Variants in GNA14 observed in about 807,000 individuals in gnomAD.
The protein encoded by GNA14 is G protein subunit alpha 14.
In GNA14, 50 loss-of-function variants were observed where a neutral mutation model predicts 42.0. The ratio of observed to expected loss-of-function variants is 1.19; its 90% CI spans 0.95 to 1.51. The LOEUF (loss-of-function observed/expected upper bound fraction) is 1.51, where lower values mean the gene tolerates loss of function less well. Ranked by LOEUF, GNA14 falls within the 40% of genes most tolerant of loss-of-function variation. GNA14 has a pLI of 0.00. For synonymous variants in GNA14, 173 were observed against 163.1 expected (o/e 1.06, Z -0.46); for missense variants, 473 against 446.2 (o/e 1.06, Z -0.54).
chr9:77,597,566 T>C (rs1474698403), intron 1 of GNA14, among the ~76,000 whole-genome samples: 2 of 151,910 alleles, frequency 1.3e-5, no homozygotes, highest in Non-Finnish European at 1.5e-5. Flanking sequence ...AATATCGGTC[T>C]TGCCTATGGT....
intron 1 of GNA14, among the ~76,000 whole-genome samples, chr9:77,577,773 T>G (rs1236542808): frequency 6.6e-6 from 1 of 152,144 alleles, no homozygotes; most frequent in African/African-American, 2.4e-5. Flanking sequence ...ACTTTGGAAT[T>G]GCTCTTCCCA....
At chr9:77,630,049 A>G (rs1257776314) in intron 1 of GNA14, among the ~76,000 whole-genome samples, 1 of 152,020 alleles carries the variant, frequency 6.6e-6, no homozygotes, top group African/African-American at 2.4e-5. Flanking sequence ...ATTTGATTAC[A>G]TTTAGAAACA....
chr9:77,644,897 A>T (rs1824330313), intron 1 of GNA14, among the ~76,000 whole-genome samples: 1 of 152,214 alleles, frequency 6.6e-6, no homozygotes, highest in Non-Finnish European at 1.5e-5. Flanking sequence ...CAATGTTCTT[A>T]TCAGAACTTT....
At chr9:77,448,302 A>T (rs1382837229) in intron 2 of GNA14, among the ~76,000 whole-genome samples, 1 of 152,212 alleles carries the variant, frequency 6.6e-6, no homozygotes, top group Non-Finnish European at 1.5e-5. Context: ...CTGACTTACG[A>T]TGGTGTGAAA....
chr9:77,624,126 C>G (rs1189837527), intron 1 of GNA14, among the ~76,000 whole-genome samples: 2 of 152,118 alleles, frequency 1.3e-5, no homozygotes, highest in Admixed American at 6.5e-5. Context: ...AGAGGGTTTC[C>G]CCCTCACAGT....
chr9:77,462,984 G>A (rs1564021865), intron 2 of GNA14, among the ~76,000 whole-genome samples: 1 of 152,112 alleles, frequency 6.6e-6, no homozygotes, highest in Non-Finnish European at 1.5e-5. Flanking sequence ...TCTCTTCTAA[G>A]ATGTCTCCAA....
At chr9:77,522,513 G>A (rs1837374615) in intron 2 of GNA14, among the ~76,000 whole-genome samples, 1 of 152,174 alleles carries the variant, frequency 6.6e-6, no homozygotes, top group Non-Finnish European at 1.5e-5. Context: ...AGATTAATTA[G>A]GTCACTCCAT....
chr9:77,475,791 C>T (rs1836409510), intron 2 of GNA14, among the ~76,000 whole-genome samples: 2 of 152,170 alleles, frequency 1.3e-5, no homozygotes, highest in African/African-American at 4.8e-5. Context: ...GCATATGCTG[C>T]CCTTGTTCAA....
chr9:77,474,333 T>C (rs2131723232), intron 2 of GNA14, among the ~76,000 whole-genome samples: 1 of 152,124 alleles, frequency 6.6e-6, no homozygotes, highest in African/African-American at 2.4e-5. Flanking sequence ...AATTTTAAAA[T>C]GAAAAAAATT....
intron 3 of GNA14, among the ~76,000 whole-genome samples, chr9:77,433,462 T>C (rs1157698): frequency 0.76 from 115,367 of 151,724 alleles, 45,049 homozygotes; most frequent in African/African-American, 0.94. Context: ...TCATGGCTCA[T>C]TGCAACCTCA....
At chr9:77,629,831 A>G (rs1455624074) in intron 1 of GNA14, among the ~76,000 whole-genome samples, 1 of 152,218 alleles carries the variant, frequency 6.6e-6, no homozygotes, top group African/African-American at 2.4e-5. Flanking sequence ...ATACCTATGT[A>G]ACAAACCTGC....
At chr9:77,441,438 A>G (rs1835733364) in intron 2 of GNA14, among the ~76,000 whole-genome samples, 1 of 152,216 alleles carries the variant, frequency 6.6e-6, no homozygotes, top group Non-Finnish European at 1.5e-5. Context: ...CTGTGAGTCA[A>G]TTAAACCTCT....
chr9:77,598,113 C>T (rs1207285571), intron 1 of GNA14, among the ~76,000 whole-genome samples: 3 of 152,096 alleles, frequency 2.0e-5, no homozygotes, highest in Non-Finnish European at 4.4e-5. Context: ...TATACTAAAA[C>T]CTTGCTGGTA....
chr9:77,562,698 C>A (rs1822901954), intron 1 of GNA14, among the ~76,000 whole-genome samples: 1 of 152,122 alleles, frequency 6.6e-6, no homozygotes, highest in Non-Finnish European at 1.5e-5. Flanking sequence ...CTTGATTTAG[C>A]CTGTATTTTC....
At chr9:77,587,507 G>A (rs1258733557) in intron 1 of GNA14, among the ~76,000 whole-genome samples, 1 of 152,180 alleles carries the variant, frequency 6.6e-6, no homozygotes, top group African/African-American at 2.4e-5. Context: ...TACAACATGG[G>A]TGAACTTTAA....
At chr9:77,501,186 C>A (rs1295094549) in intron 2 of GNA14, among the ~76,000 whole-genome samples, 1 of 152,132 alleles carries the variant, frequency 6.6e-6, no homozygotes, top group Non-Finnish European at 1.5e-5. Flanking sequence ...AACTCCTGAT[C>A]TCAAGTGATC....
intron 2 of GNA14, among the ~76,000 whole-genome samples, chr9:77,468,966 T>G (rs1178755276): frequency 6.6e-6 from 1 of 152,170 alleles, no homozygotes; most frequent in African/African-American, 2.4e-5. Flanking sequence ...TGCAGCACAT[T>G]TTTGTGAATT....
chr9:77,476,938 G>A (rs531610898), intron 2 of GNA14, among the ~76,000 whole-genome samples: 44 of 152,326 alleles, frequency 2.9e-4, no homozygotes, highest in Non-Finnish European at 5.6e-4. Context: ...GGGAAAGACT[G>A]CATGAGTAAC....
At chr9:77,540,935 G>T (rs1837652385) in intron 1 of GNA14, among the ~76,000 whole-genome samples, 1 of 152,104 alleles carries the variant, frequency 6.6e-6, no homozygotes, top group Admixed American at 6.5e-5. Flanking sequence ...TTAAGTGGAT[G>T]ATTTAATCCG....
Sources: gnomAD v4.1 joint callset for allele counts (sites outside exome capture counted in the v4.1 genomes callset) on GRCh38, gnomAD v4.1.1 for gene constraint, MANE v1.5 for transcripts, NCBI Gene and HGNC (gene_info 2026-07-23, HGNC 2026-07-21) for gene names.